The following LIPA variants were observed in gnomAD, a reference collection of about 807,000 sequenced individuals.
LIPA encodes the protein lysosomal acid lipase/cholesteryl ester hydrolase.
A neutral mutation model predicts 40.6 loss-of-function variants in LIPA; 26 were observed. The observed-to-expected ratio is 0.64, with a 90% CI of 0.47 to 0.89. The LOEUF (loss-of-function observed/expected upper bound fraction) is 0.89. Among genes scored for constraint, LIPA ranks in the 40% least tolerant of loss-of-function variants. The pLI is 0.00. For synonymous variants in LIPA, 188 were observed against 168.4 expected (o/e 1.12, Z -0.90); for missense variants, 455 against 479.6 (o/e 0.95, Z 0.48).
chr10:89,220,566 A>G (rs1842685457), intron 8 of LIPA, among the ~76,000 whole-genome samples: 1 of 152,220 alleles, frequency 6.6e-6, no homozygotes, highest in Admixed American at 6.5e-5. Context: ...AGTGGTAAGC[A>G]TGTGCTGTTC....
At chr10:89,384,078 A>G in intron 2 of LIPA, 1 of 1,614,208 alleles carries the variant, frequency 6.2e-7, no homozygotes, top group African/African-American at 1.3e-5. Context: ...ATGTCTTTCA[A>G]TATGCAGCCA....
In LIPA at chr10:89,339,948, G is replaced by T. The variant is rs1009212826; in HGVS notation, c.-2+2663C>A. On this transcript the variant is annotated intron_variant, in intron 1 of 5. Coordinates refer to the LIPA transcript ENST00000282673. The stretch of plus-strand genomic sequence containing the variant: ...TAATTCATAAGCAGAATGGAGATCT[G>T]CTGCAAGCAGCCAAATGTTATGAGA... The T allele has an allele frequency of 4.3e-6, 7 of 1,614,064 alleles. No homozygotes were observed. The East Asian group carries it at 1.3e-4, about 31-fold the overall frequency.
At chr10:89,411,650 CCAAA>C (rs1335293856) in intron 2 of LIPA, among the ~76,000 whole-genome samples, 1 of 152,164 alleles carries the variant, frequency 6.6e-6, no homozygotes, top group Non-Finnish European at 1.5e-5. Flanking sequence ...CTCTACAATC[CCAAA>C]CAGACTCTTT....
At chr10:89,367,722 G>A (rs1336518017) in intron 2 of LIPA, among the ~76,000 whole-genome samples, 1 of 152,208 alleles carries the variant, frequency 6.6e-6, no homozygotes, top group Non-Finnish European at 1.5e-5. Flanking sequence ...TGAGAGAACT[G>A]TGACTGTGAG....
chr10:89,301,504 A>G (rs185794856), intron 1 of LIPA, among the ~76,000 whole-genome samples: 7 of 152,334 alleles, frequency 4.6e-5, no homozygotes, highest in Non-Finnish European at 8.8e-5. Flanking sequence ...CCATCAGTAC[A>G]TTCCACAAAG....
At chr10:89,258,793 A>C (rs1402893772) in intron 1 of LIPA, among the ~76,000 whole-genome samples, 1 of 152,248 alleles carries the variant, frequency 6.6e-6, no homozygotes, top group Non-Finnish European at 1.5e-5. Context: ...CAAAAAGTGG[A>C]AACAACCATA....
intron 1 of LIPA, chr10:89,305,960 A>G: frequency 6.2e-7 from 1 of 1,603,898 alleles, no homozygotes; most frequent in Non-Finnish European, 8.5e-7. Context: ...TTTTCCCTAC[A>G]GTGAGAACAA....
At chr10:89,327,408 G>C (rs984530416) in intron 1 of LIPA, among the ~76,000 whole-genome samples, 1 of 151,946 alleles carries the variant, frequency 6.6e-6, no homozygotes, top group Non-Finnish European at 1.5e-5. Context: ...AATATTAGCC[G>C]GGCATGGTGG....
At chr10:89,317,582 T>C (rs1843547948) in intron 1 of LIPA, among the ~76,000 whole-genome samples, 1 of 152,094 alleles carries the variant, frequency 6.6e-6, no homozygotes, top group Admixed American at 6.5e-5. Context: ...AGACCAAACA[T>C]ACATCTGACT....
intron 2 of LIPA, among the ~76,000 whole-genome samples, chr10:89,380,489 G>A (rs1282731792): frequency 6.7e-6 from 1 of 150,122 alleles, no homozygotes; most frequent in Non-Finnish European, 1.5e-5. Flanking sequence ...AGTCTGGAGT[G>A]CAGTGGCATG....
intron 2 of LIPA, among the ~76,000 whole-genome samples, chr10:89,398,026 T>C (rs1454790932): frequency 1.3e-5 from 2 of 152,236 alleles, no homozygotes; most frequent in Non-Finnish European, 2.9e-5. Flanking sequence ...CAGAAATTTT[T>C]CATCTTCCTA....
chr10:89,328,257 A>G (rs1241215705), intron 1 of LIPA, among the ~76,000 whole-genome samples: 1 of 152,084 alleles, frequency 6.6e-6, no homozygotes, highest in African/African-American at 2.4e-5. Flanking sequence ...TTTTTGGTGT[A>G]CACACAGGCT....
intron 1 of LIPA, among the ~76,000 whole-genome samples, chr10:89,294,973 G>A (rs1843401135): frequency 7.2e-6 from 1 of 138,962 alleles, no homozygotes; most frequent in Non-Finnish European, 1.5e-5. Context: ...GCAAGACTCT[G>A]TCTGAAAAGA....
intron 1 of LIPA, among the ~76,000 whole-genome samples, chr10:89,267,451 C>A (rs1050286666): frequency 6.6e-6 from 1 of 151,900 alleles, no homozygotes; most frequent in Non-Finnish European, 1.5e-5. Flanking sequence ...AAATTGGAAA[C>A]CATCATTCTC....
intron 1 of LIPA, chr10:89,302,201 T>C (rs1039331990): frequency 2.6e-6 from 4 of 1,531,602 alleles, no homozygotes; most frequent in African/African-American, 1.4e-5. Flanking sequence ...AGAAGCTATG[T>C]TCCCAAAGAG....
rs530045340 is a variant in LIPA at position 89,365,285 on chromosome 10, A to G, written c.61+47506T>C. On this transcript the variant is annotated intron_variant, in intron 2 of 8. Transcript: ENST00000371837. ...TTGACTTTCCTTCTGGAACACAGCT[A>G]AAGATAAAATCTAAAGACAGAGATC... Among the ~76,000 whole-genome samples, 5 of 152,296 alleles carry G rather than the reference A, an allele frequency of 3.3e-5. No homozygotes were observed. In the East Asian group the frequency reaches 7.7e-4, roughly 23 times the overall value.
chr10:89,347,848 C>T (rs1843932939), intron 2 of LIPA, among the ~76,000 whole-genome samples: 1 of 152,276 alleles, frequency 6.6e-6, no homozygotes, highest in African/African-American at 2.4e-5. Context: ...TCATGACAGT[C>T]AGGTACACAC....
Position 89,301,980 on chromosome 10 carries a change from A to C in LIPA, c.-2+40631T>G, listed in dbSNP as rs544240733. On this transcript the variant is annotated intron_variant, in intron 1 of 5. Coordinates refer to the LIPA transcript ENST00000282673. Reference sequence around the variant, plus strand: ...ACTTTCCCTTTTGTAACGTCAGCTGAAGGGAAACAAACAAAAAGGAACCAG... The same window carrying C: ...ACTTTCCCTTTTGTAACGTCAGCTGCAGGGAAACAAACAAAAAGGAACCAG... The C allele has an allele frequency of 4.9e-5, 34 of 694,142 alleles. No individual in the cohort carries two copies. The African/African-American group carries it at 5.8e-4, about 12-fold the overall frequency. 43.0% of individuals were successfully genotyped at this position (694,142 alleles called of 1,614,324 possible).
intron 1 of LIPA, among the ~76,000 whole-genome samples, chr10:89,320,112 T>C (rs1334465817): frequency 2.6e-5 from 4 of 152,182 alleles, no homozygotes; most frequent in African/African-American, 9.7e-5. Flanking sequence ...GCCAATATCA[T>C]ACTGAATGGG....
Sources: gnomAD v4.1 joint callset for allele counts (sites outside exome capture counted in the v4.1 genomes callset) on GRCh38, gnomAD v4.1.1 for gene constraint, MANE v1.5 for transcripts, NCBI Gene and HGNC (gene_info 2026-07-23, HGNC 2026-07-21) for gene names.